The following CFAP52 variants were observed in gnomAD, a reference collection of about 807,000 sequenced individuals.
CFAP52 encodes cilia- and flagella-associated protein 52.
CFAP52 carries 57 observed loss-of-function variants against 70.5 expected under a neutral mutation model. The observed-to-expected ratio is 0.81, with a 90% CI of 0.65 to 1.01. CFAP52 has a LOEUF of 1.01. Ranked by LOEUF, CFAP52 falls within the 50% of genes least tolerant of loss-of-function variation. The pLI is 0.00. For synonymous variants in CFAP52, 267 were observed against 292.5 expected (o/e 0.91, Z 0.89); for missense variants, 785 against 788.5 (o/e 1.00, Z 0.05).
chr17:9,633,795 GC>G (rs1567636114), intron 10 of CFAP52, among the ~76,000 whole-genome samples: 1 of 151,698 alleles, frequency 6.6e-6, no homozygotes, highest in African/African-American at 2.4e-5. Context: ...GCCTGCCTCA[GC>G]CTCCTGAGTA....
chr17:9,606,870 T>G (rs1909514011), intron 6 of CFAP52, among the ~76,000 whole-genome samples: 1 of 152,218 alleles, frequency 6.6e-6, no homozygotes, highest in Non-Finnish European at 1.5e-5. Context: ...CATGTAATTC[T>G]GGTCCTTGCC....
At chr17:9,598,760 C>CAAAA (rs71135996) in intron 5 of CFAP52, among the ~76,000 whole-genome samples, 3 of 132,552 alleles carry the variant, frequency 2.3e-5, no homozygotes, top group Non-Finnish European at 3.2e-5. Context: ...CACTCTGTTT[C>CAAAA]AAAAAAAAAA....
chr17:9,631,683 T>G (rs112931080), intron 9 of CFAP52, among the ~76,000 whole-genome samples: 2,132 of 151,260 alleles, frequency 0.014, 60 homozygotes, highest in African/African-American at 0.049. Flanking sequence ...GGGTTGGGGG[T>G]CGGGCACAAA....
chr17:9,594,480 A>C, intron 4 of CFAP52, 159 bp downstream of exon 4: 1 of 854,026 alleles, frequency 1.2e-6, no homozygotes, highest in Non-Finnish European at 1.6e-6. Context: ...AGTTCTCTTC[A>C]CTGGAAGTAT....
intron 9 of CFAP52, among the ~76,000 whole-genome samples, chr17:9,632,529 T>C (rs1341925762): frequency 6.6e-6 from 1 of 152,104 alleles, no homozygotes; most frequent in Non-Finnish European, 1.5e-5. Context: ...AGGAGAAAGA[T>C]GGTGGTGCCT....
rs750298569 is a variant in CFAP52, at chr17:9,608,117, A to G, written c.754-2A>G. ...TTTTCTTAACACAGTTTTTCCCCCT[A>G]GGGAGTGTCAGCTATCAGGTGCCTG... On this transcript the variant is annotated splice_acceptor_variant, in intron 6 of 13. Transcript: ENST00000352665. LOFTEE classifies it high-confidence loss of function. 3 of 1,610,604 alleles carry G rather than the reference A, an allele frequency of 1.9e-6. No homozygotes were observed. The African/African-American group carries it at 4.0e-5, about 22-fold the overall frequency.
intron 3 of CFAP52, among the ~76,000 whole-genome samples, chr17:9,591,938 GTGCTGTCCTACTA>G (rs781451495): frequency 3.3e-5 from 5 of 152,166 alleles, no homozygotes; most frequent in Non-Finnish European, 4.4e-5. Flanking sequence ...TAAAGAAACT[GTGCTGTCCTACTA>G]TGCAAAAGGA....
intron 1 of CFAP52, among the ~76,000 whole-genome samples, chr17:9,585,545 C>T (rs1230441437): frequency 6.6e-6 from 1 of 151,998 alleles, no homozygotes; most frequent in Non-Finnish European, 1.5e-5. Context: ...GTGGCGGGTG[C>T]CTGTAATCCC....
At chr17:9,644,101 T>TTTTG (rs1007533961), downstream of CFAP52, among the ~76,000 whole-genome samples, 10 of 152,176 alleles carry the variant, frequency 6.6e-5, no homozygotes, top group Non-Finnish European at 1.5e-4. Context: ...AGATCAAGTT[T>TTTTG]TTTGTTTGTT....
rs373405681 is a variant in CFAP52 at position 9,643,226 on chromosome 17, C to G, written c.*28C>G. On this transcript the variant is annotated 3_prime_UTR_variant, in exon 14 of 14. Transcript: ENST00000352665. ...CTGATGAGATGTCTCTGAGCCTTGG[C>G]GTTGCACGCAGTCCTGTTGAAGACT... 1.3e-6 allele frequency: 2 copies of G among 1,556,104 alleles called. No individual in the cohort carries two copies. Among genetic ancestry groups the G allele is most frequent in the Non-Finnish European group, 1.7e-6 (2 of 1,147,952 alleles).
chr17:9,583,588 G>A (rs1385528442), intron 1 of CFAP52, among the ~76,000 whole-genome samples: 1 of 151,970 alleles, frequency 6.6e-6, no homozygotes, highest in Non-Finnish European at 1.5e-5. Flanking sequence ...AACATATCCT[G>A]TTTTTAAAAT....
chr17:9,597,829 GAAAGAGAGAA>G (rs1325208383), intron 4 of CFAP52, among the ~76,000 whole-genome samples: 13 of 147,848 alleles, frequency 8.8e-5, no homozygotes, highest in East Asian at 8.1e-4. Context: ...GAGAGAGAGA[GAAAGAGAGAA>G]AGAGAGAGAG....
Position 9,643,032 on chromosome 17 carries a change from AC to A in CFAP52, c.1699del (p.His567IlefsTer13). The A allele has an allele frequency of 6.3e-7, 1 of 1,599,060 alleles. No homozygotes were observed. On this transcript the variant is annotated frameshift_variant, in exon 14 of 14. Coordinates refer to ENST00000352665, the MANE Select transcript of CFAP52 (RefSeq NM_145054.5). LOFTEE classifies it high-confidence loss of function. ...TGTTTATCTTTTTCAGGTGGAAATG[AC>A]CATCTGGTCAAAGTTTGGGATTATA... ...EGVHFVTGGN[D>X]HLVKVWDYNE...
intron 9 of CFAP52, 27 bp from the exon 10 acceptor site, chr17:9,632,861 C>G (rs748029722): frequency 6.2e-7 from 1 of 1,611,930 alleles, no homozygotes; most frequent in Non-Finnish European, 8.5e-7. Context: ...CTGATCCTGC[C>G]TGCCTTTTGT....
chr17:9,599,320 C>T (rs1909161747), intron 5 of CFAP52, among the ~76,000 whole-genome samples: 1 of 152,162 alleles, frequency 6.6e-6, no homozygotes, highest in Non-Finnish European at 1.5e-5. Context: ...ACCTGTATAA[C>T]TTCATTCTCC....
intron 10 of CFAP52, 34 bp downstream of exon 10, chr17:9,633,067 C>G: frequency 6.2e-7 from 1 of 1,601,230 alleles, no homozygotes; most frequent in Non-Finnish European, 8.5e-7. Flanking sequence ...AAATAACGCT[C>G]TGTTTAGAAC....
intron 11 of CFAP52, among the ~76,000 whole-genome samples, chr17:9,636,241 AAGAAAGAAAG>A (rs1910796005): frequency 7.2e-6 from 1 of 139,314 alleles, no homozygotes; most frequent in Non-Finnish European, 1.5e-5. Flanking sequence ...GAAAGAAAGA[AAGAAAGAAAG>A]AGAAAGAAAA....
At chr17:9,584,253 A>G (rs1241749540) in intron 1 of CFAP52, 7 of 1,280,326 alleles carry the variant, frequency 5.5e-6, no homozygotes, top group African/African-American at 1.5e-5. Context: ...ACATTCAAGC[A>G]TACAAACTTT....
chr17:9,594,215 A>G lies in CFAP52; in HGVS notation c.430A>G (p.Lys144Glu). 1.2e-6 allele frequency: 2 copies of G among 1,613,348 alleles called. No homozygotes were observed. Among genetic ancestry groups the G allele is most frequent in the East Asian group, 4.5e-5 (2 of 44,836 alleles). ...DGSVVVWSIA[K>E]RDAICGSPAA... is the part of the protein sequence containing the mutation. ...CAGTGTGGTGGTGTGGAGCATAGCC[A>G]AGAGAGATGCCATCTGTGGCAGCCC... The change falls in exon 4 of 14, where the codon AAG becomes GAG. Residue 144 changes from lysine (K) to glutamate (E), a missense_variant. Physicochemically the swap from Lys to Glu is moderately conservative, Grantham distance 56. Transcript: ENST00000352665.
Sources: gnomAD v4.1 joint callset for allele counts (sites outside exome capture counted in the v4.1 genomes callset) on GRCh38, gnomAD v4.1.1 for gene constraint, MANE v1.5 for transcripts, NCBI Gene and HGNC (gene_info 2026-07-23, HGNC 2026-07-21) for gene names.